The following TMTC1 variants were observed in gnomAD, a reference collection of about 807,000 sequenced individuals.
TMTC1 encodes the protein protein O-mannosyl-transferase TMTC1.
In TMTC1, 73 loss-of-function variants were observed where a neutral mutation model predicts 104.8. The observed-to-expected ratio is 0.70, with a 90% CI of 0.58 to 0.85. The LOEUF (loss-of-function observed/expected upper bound fraction) is 0.85. Among genes scored for constraint, TMTC1 ranks in the 40% least tolerant of loss-of-function variants. The probability of loss-of-function intolerance (pLI) is 0.00; values close to 1 mark genes in which losing one functional copy is unlikely to be tolerated. For missense variants in TMTC1, 1,035 were observed against 1,096.1 expected (o/e 0.94, Z 0.79); for synonymous variants, 434 against 428.7 (o/e 1.01, Z -0.15).
intron 10 of TMTC1, among the ~76,000 whole-genome samples, chr12:29,537,468 G>T (rs1259304054): frequency 6.6e-6 from 1 of 152,010 alleles, no homozygotes; most frequent in Non-Finnish European, 1.5e-5. Flanking sequence ...AACAGTCTTC[G>T]GAGTGCTCTT....
At chr12:29,575,543 C>T (rs1332771718) in intron 8 of TMTC1, among the ~76,000 whole-genome samples, 1 of 151,234 alleles carries the variant, frequency 6.6e-6, no homozygotes, top group Non-Finnish European at 1.5e-5. Context: ...GCAAAGACTG[C>T]CCCACTAAAA....
At chr12:29,739,865 T>C (rs1339493412) in intron 5 of TMTC1, among the ~76,000 whole-genome samples, 18 of 151,942 alleles carry the variant, frequency 1.2e-4, no homozygotes. Context: ...TGCACCACCA[T>C]ACCCAGCTAA....
At chr12:29,694,170 T>C (rs934907126) in intron 5 of TMTC1, among the ~76,000 whole-genome samples, 4 of 152,204 alleles carry the variant, frequency 2.6e-5, no homozygotes, top group Non-Finnish European at 5.9e-5. Flanking sequence ...CACTGTACTA[T>C]AACGATCCAT....
chr12:29,692,578 G>C (rs1747408193), intron 5 of TMTC1, among the ~76,000 whole-genome samples: 1 of 145,272 alleles, frequency 6.9e-6, no homozygotes, highest in Non-Finnish European at 1.5e-5. Flanking sequence ...AAGCAGTTTG[G>C]AAGAGTTCAG....
intron 9 of TMTC1, among the ~76,000 whole-genome samples, chr12:29,568,033 A>G (rs921538972): frequency 2.6e-5 from 4 of 152,168 alleles, no homozygotes; most frequent in African/African-American, 9.6e-5. Context: ...AGCCTAATGC[A>G]ATGTCCTTAC....
chr12:29,616,669 CAAAA>C (rs71045821), intron 6 of TMTC1, among the ~76,000 whole-genome samples: 2 of 79,810 alleles, frequency 2.5e-5, no homozygotes, highest in Non-Finnish European at 2.4e-5. Context: ...AACTTGGTCT[CAAAA>C]AAAAAAAAAA....
intron 6 of TMTC1, among the ~76,000 whole-genome samples, chr12:29,625,798 GA>G (rs902418400): frequency 6.6e-6 from 1 of 152,126 alleles, no homozygotes; most frequent in African/African-American, 2.4e-5. Flanking sequence ...AGCCTGTGGG[GA>G]ATCACCAGTC....
chr12:29,770,551 T>C (rs2120539564), intron 1 of TMTC1, among the ~76,000 whole-genome samples: 1 of 152,284 alleles, frequency 6.6e-6, no homozygotes, highest in African/African-American at 2.4e-5. Context: ...CTTAAAAACG[T>C]ACACACAAGA....
At chr12:29,520,270 T>A (rs1944110824) in intron 12 of TMTC1, among the ~76,000 whole-genome samples, 1 of 152,238 alleles carries the variant, frequency 6.6e-6, no homozygotes, top group African/African-American at 2.4e-5. Flanking sequence ...CAGTAACTGC[T>A]TTCAGAGGCA....
chr12:29,538,101 C>T (rs145149007), intron 10 of TMTC1, among the ~76,000 whole-genome samples: 139 of 152,244 alleles, frequency 9.1e-4, no homozygotes, highest in African/African-American at 3.1e-3. Context: ...GGTATAACAC[C>T]CATGTCCTTA....
At chr12:29,680,949 A>G (rs561078494) in intron 5 of TMTC1, among the ~76,000 whole-genome samples, 2 of 152,234 alleles carry the variant, frequency 1.3e-5, no homozygotes, top group African/African-American at 4.8e-5. Context: ...AAATACAAAA[A>G]TTAGCCGGGC....
intron 5 of TMTC1, among the ~76,000 whole-genome samples, chr12:29,708,367 T>C (rs1029880259): frequency 2.0e-5 from 3 of 152,166 alleles, no homozygotes; most frequent in African/African-American, 7.2e-5. Flanking sequence ...TAAATGCACA[T>C]GAACAGCGCA....
At chr12:29,538,352 C>T (rs933961139) in intron 10 of TMTC1, among the ~76,000 whole-genome samples, 1 of 152,000 alleles carries the variant, frequency 6.6e-6, no homozygotes, top group Non-Finnish European at 1.5e-5. Flanking sequence ...TTTTGTATCC[C>T]ACTAATTTGG....
Position 29,652,346 on chromosome 12 carries a change from G to C in TMTC1, c.939-19010C>G, listed in dbSNP as rs191652508. 4.7e-3 allele frequency among the ~76,000 whole-genome samples: 716 copies of C among 152,256 alleles called. 3 individuals carry two copies. The highest frequency in any genetic ancestry group is 8.2e-3 in the Non-Finnish European group (555 of 68,010). On this transcript the variant is annotated intron_variant, in intron 5 of 17. Coordinates refer to ENST00000539277, the MANE Select transcript of TMTC1 (RefSeq NM_001193451.2). ...AGAGGAAGACCCAAGATGATATTGG[G>C]GTTCCATAACTGCATGCATTTCAAG...
At chr12:29,597,876 G>A (rs750458809) in intron 7 of TMTC1, among the ~76,000 whole-genome samples, 2 of 152,116 alleles carry the variant, frequency 1.3e-5, no homozygotes, top group Non-Finnish European at 2.9e-5. Context: ...TTATCATCAT[G>A]ACAAGAATAC....
chr12:29,564,885 CAG>C (rs1420503868), intron 9 of TMTC1, among the ~76,000 whole-genome samples: 1 of 152,078 alleles, frequency 6.6e-6, no homozygotes, highest in Non-Finnish European at 1.5e-5. Flanking sequence ...AGGATTTAAA[CAG>C]AGGATTATAA....
intron 1 of TMTC1, among the ~76,000 whole-genome samples, chr12:29,773,708 A>G (rs1429574170): frequency 6.6e-6 from 1 of 152,164 alleles, no homozygotes; most frequent in Non-Finnish European, 1.5e-5. Context: ...ATGATTAATA[A>G]GCCACCACCA....
At chr12:29,571,609 A>C (rs1376181470) in intron 9 of TMTC1, among the ~76,000 whole-genome samples, 1 of 146,904 alleles carries the variant, frequency 6.8e-6, no homozygotes, top group Non-Finnish European at 1.5e-5. Flanking sequence ...CACACACACA[A>C]TTAACGTATC....
chr12:29,705,405 C>G (rs1180595922), intron 5 of TMTC1, among the ~76,000 whole-genome samples: 5 of 152,218 alleles, frequency 3.3e-5, no homozygotes. Flanking sequence ...ATACAAATCA[C>G]TCTTTGGTAA....
Sources: gnomAD v4.1 joint callset for allele counts (sites outside exome capture counted in the v4.1 genomes callset) on GRCh38, gnomAD v4.1.1 for gene constraint, MANE v1.5 for transcripts, NCBI Gene and HGNC (gene_info 2026-07-23, HGNC 2026-07-21) for gene names.